The following MXD4 variants were observed in gnomAD, a reference collection of about 807,000 sequenced individuals.
The protein encoded by MXD4 is Mad4 homolog.
Under a neutral mutation model 24.5 loss-of-function variants are expected in MXD4, and 16 were observed. That is an observed-to-expected ratio of 0.65 (90% CI 0.44 to 0.99). The LOEUF is 0.99. Among genes scored for constraint, MXD4 ranks in the 50% least tolerant of loss-of-function variants. The probability of loss-of-function intolerance (pLI) is 0.00; values close to 1 mark genes in which losing one functional copy is unlikely to be tolerated. For missense variants in MXD4, 301 were observed against 301.5 expected, an observed-to-expected ratio of 1.00 and a Z score of 0.01; for synonymous variants, 164 against 134.2, an observed-to-expected ratio of 1.22 and a Z score of -1.54.
intron 3 of MXD4, among the ~76,000 whole-genome samples, chr4:2,256,073 T>C (rs572125879): frequency 6.6e-6 from 1 of 152,070 alleles, no homozygotes; most frequent in African/African-American, 2.4e-5. Context: ...CCTGGGGGAA[T>C]GTGGGGCAGA....
chr4:2,261,813 C>A lies in MXD4; in HGVS notation c.76G>T (p.Gly26Cys). Residue 26 changes from glycine (G) to cysteine (C), a missense_variant, in exon 2 of 6, where the codon GGC becomes TGC. Transcript: ENST00000337190. ...LERRDREAEH[G>C]YASVLPFDGD... is the part of the protein sequence containing the mutation. ...TCGAAGGGCAGCACCGAGGCGTAGC[C>A]GTGCTCGGCCTCTGCGGACACACGG... 7.2e-7 allele frequency: 1 copy of A among 1,386,040 alleles called. No homozygotes were observed. Among genetic ancestry groups the A allele is most frequent in the Non-Finnish European group, 9.4e-7 (1 of 1,062,422 alleles). 85.9% of individuals were successfully genotyped at this position (1,386,040 alleles called of 1,614,324 possible).
rs1473371923 is a variant in MXD4 at position 2,261,712 on chromosome 4, C to CG, written c.164+12dup. 3 of 1,335,766 alleles carry CG rather than the reference C, an allele frequency of 2.2e-6. No homozygotes were observed. In the South Asian group the frequency reaches 4.8e-5, roughly 22 times the overall value. The allele number at this position is 1,335,766 out of a possible 1,614,324, so 82.7% of individuals were successfully genotyped here. On this transcript the variant is annotated intron_variant, in intron 2 of 5. Transcript: ENST00000337190. ...GGACCGGGCCGGGCGGGGTCGGGAG[C>CG]GGGGGGCGGTACCTGTTGTTCGGGG...
chr4:2,255,460 A>C, intron 3 of MXD4: 8 of 451,760 alleles, frequency 1.8e-5, no homozygotes, highest in Non-Finnish European at 3.6e-5. Context: ...TGGAGGCCAC[A>C]GAAATTCCTG....
rs930938626 is a variant in MXD4, at chr4:2,250,600, C to T, written c.574G>A (p.Gly192Ser). 7.4e-6 allele frequency: 12 copies of T among 1,612,042 alleles called. No homozygotes were observed. Among genetic ancestry groups the T allele is most frequent in the Middle Eastern group, 1.8e-4 (1 of 5,634 alleles). The change falls in exon 6 of 6, where the codon GGC becomes AGC. Residue 192 changes from glycine to serine, a missense_variant. Physicochemically the swap from Gly to Ser is moderately conservative, Grantham distance 56. Transcript: ENST00000337190. Reference sequence around the variant, plus strand: ...CAGTGGGGCCCGAAGCCACTGTCGCCGCCGGTGCCACTCTGCAGGCTGTAG... The same window carrying T: ...CAGTGGGGCCCGAAGCCACTGTCGCTGCCGGTGCCACTCTGCAGGCTGTAG... ...DHYSLQSGTGGDSGFGPHCRR... is the reference protein window; with the variant it reads ...DHYSLQSGTGSDSGFGPHCRR...
chr4:2,261,417 G>C (rs986867842), intron 2 of MXD4, among the ~76,000 whole-genome samples: 7 of 152,188 alleles, frequency 4.6e-5, no homozygotes, highest in African/African-American at 1.7e-4. Flanking sequence ...GCCTGGAAAA[G>C]TCCAGAACAA....
rs1735319300 is a variant in MXD4 at position 2,251,337 on chromosome 4, G to A, written c.310-91C>T. On this transcript the variant is annotated intron_variant, in intron 4 of 5. Coordinates refer to ENST00000337190, the MANE Select transcript of MXD4 (RefSeq NM_006454.3). ...ACTGGGGCACCCAGGCCTGGGCCCG[G>A]GAGGTTCCCCATCCCTGCCAAGACC... The A allele has an allele frequency of 1.6e-5, 22 of 1,408,296 alleles. No individual in the cohort carries two copies. In the South Asian group the frequency reaches 3.3e-4, roughly 21 times the overall value. The allele number at this position is 1,408,296 out of a possible 1,614,324, so 87.2% of individuals were successfully genotyped here. A position where few individuals can be genotyped will look rare whatever the true frequency, so the allele number is the denominator to read the frequency against.
intron 2 of MXD4, among the ~76,000 whole-genome samples, chr4:2,259,814 C>T (rs1735502162): frequency 6.6e-6 from 1 of 152,184 alleles, no homozygotes; most frequent in African/African-American, 2.4e-5. Flanking sequence ...CCAGCATTCC[C>T]GTGACCCCAG....
chr4:2,255,295 CTG>C, intron 3 of MXD4: 1 of 456,152 alleles, frequency 2.2e-6, no homozygotes, highest in South Asian at 1.5e-5. Context: ...GATGCGGTCT[CTG>C]GGGTGGGGTG....
chr4:2,261,967 G>A lies in MXD4; in HGVS notation c.14C>T (p.Ser5Phe), dbSNP rs768043132. Reference sequence around the variant, plus strand: ...GGCCGCCTCCAGCAGGATCAGCAGGGAGTTCAGCTCCATCCTCCCGCCCGC... The same window carrying A: ...GGCCGCCTCCAGCAGGATCAGCAGGAAGTTCAGCTCCATCCTCCCGCCCGC... MELNSLLILLEAAEY... is the reference protein window; with the variant it reads MELNFLLILLEAAEY... The change falls in exon 1 of 6, where the codon TCC becomes TTC. Residue 5 changes from serine to phenylalanine, a missense_variant. Coordinates refer to ENST00000337190, the MANE Select transcript of MXD4 (RefSeq NM_006454.3). The A allele has an allele frequency of 1.4e-6, 2 of 1,431,242 alleles. No individual in the cohort carries two copies. The highest frequency in any genetic ancestry group is 1.3e-5 in the South Asian group (1 of 74,822). The allele number at this position is 1,431,242 out of a possible 1,614,324, so 88.7% of individuals were successfully genotyped here.
rs1735263777 is a variant in MXD4 at position 2,249,373 on chromosome 4, T to C, written c.*1171A>G. On this transcript the variant is annotated 3_prime_UTR_variant, in exon 6 of 6. Transcript: ENST00000337190. ...GCTAGGAAAATAGAATACAAAAATC[T>C]GGTACAGGAAACAGAGGCGGCACAC... 1.3e-5 allele frequency: 2 copies of C among 152,156 alleles called. No homozygotes were observed. The highest frequency in any genetic ancestry group is 2.4e-5 in the African/African-American group (1 of 41,364). 9.4% of individuals were successfully genotyped at this position (152,156 alleles called of 1,614,324 possible). A position where few individuals can be genotyped will look rare whatever the true frequency, so the allele number is the denominator to read the frequency against.
intron 2 of MXD4, among the ~76,000 whole-genome samples, chr4:2,261,405 C>T (rs1440272605): frequency 2.6e-5 from 4 of 152,218 alleles, no homozygotes; most frequent in African/African-American, 9.6e-5. Flanking sequence ...AACTTTTCTA[C>T]CGCCTGGAAA....
At chr4:2,252,272 C>CGGGT (rs901549319) in intron 4 of MXD4, 136 bp downstream of exon 4, 55 of 700,962 alleles carry the variant, frequency 7.8e-5, no homozygotes, top group Admixed American at 6.5e-4. Context: ...GACACACACC[C>CGGGT]GCCAGATGGC....
intron 3 of MXD4, chr4:2,255,034 G>T (rs1735397824): frequency 2.9e-6 from 1 of 350,260 alleles, no homozygotes; most frequent in African/African-American, 2.2e-5. Flanking sequence ...CTGTCCGGAA[G>T]TCCCTGTGTA....
Position 2,249,175 on chromosome 4 carries a change from G to A in MXD4, c.*1369C>T, listed in dbSNP as rs1735259647. On this transcript the variant is annotated 3_prime_UTR_variant, in exon 6 of 6. Transcript: ENST00000337190. ...GGGAGGGGCTGCCCACAGGAGATGG[G>A]AGGACAGCACTAGCTGGGCAGGCCT... 6.5e-6 allele frequency: 1 copy of A among 152,724 alleles called. No individual in the cohort carries two copies. The allele number at this position is 152,724 out of a possible 1,614,324, so 9.5% of individuals were successfully genotyped here.
chr4:2,261,668 C>T (rs1207478123), intron 2 of MXD4, 57 bp downstream of exon 2: 3 of 998,434 alleles, frequency 3.0e-6, no homozygotes, highest in African/African-American at 2.5e-5. Context: ...GAGCACGCTC[C>T]GGGCGGGGGC....
rs763993082 is a variant in MXD4, at chr4:2,249,905, G to A, written c.*639C>T. ...GCGTGTGCGTCTGACAGTCCTACCA[G>A]AGCAGACGCTGCCCAGCTCGGCGTG... is the stretch of plus-strand genomic sequence containing the variant. On this transcript the variant is annotated 3_prime_UTR_variant, in exon 6 of 6. Coordinates refer to ENST00000337190, the MANE Select transcript of MXD4 (RefSeq NM_006454.3). The A allele has an allele frequency of 6.5e-6, 1 of 153,794 alleles. No homozygotes were observed. Among genetic ancestry groups the A allele is most frequent in the African/African-American group, 2.4e-5 (1 of 41,482 alleles). 9.5% of individuals were successfully genotyped at this position (153,794 alleles called of 1,614,324 possible).
intron 2 of MXD4, among the ~76,000 whole-genome samples, chr4:2,259,424 C>T (rs887745229): frequency 6.6e-6 from 1 of 152,214 alleles, no homozygotes; most frequent in African/African-American, 2.4e-5. Context: ...TCCTCACTGG[C>T]CTCACAGAGA....
At chr4:2,259,927 C>T (rs1267610580) in intron 2 of MXD4, among the ~76,000 whole-genome samples, 3 of 152,228 alleles carry the variant, frequency 2.0e-5, no homozygotes, top group Admixed American at 6.5e-5. Context: ...CACTCCCTAC[C>T]CTTGCCCCAG....
chr4:2,249,972 T>C lies in MXD4; in HGVS notation c.*572A>G, dbSNP rs1735281376. On this transcript the variant is annotated 3_prime_UTR_variant, in exon 6 of 6. Coordinates refer to ENST00000337190, the MANE Select transcript of MXD4 (RefSeq NM_006454.3). ...CTGGCCCCGAGAGCCCAGCCCTAGG[T>C]TCTGACACCTGCGAAGTGGGAAGGA... is the stretch of plus-strand genomic sequence containing the variant. 1 of 154,064 alleles carries C rather than the reference T, an allele frequency of 6.5e-6. No homozygotes were observed. The highest frequency in any genetic ancestry group is 1.4e-5 in the Non-Finnish European group (1 of 69,144). 9.5% of individuals were successfully genotyped at this position (154,064 alleles called of 1,614,324 possible).
Sources: gnomAD v4.1 joint callset for allele counts (sites outside exome capture counted in the v4.1 genomes callset) on GRCh38, gnomAD v4.1.1 for gene constraint, MANE v1.5 for transcripts, NCBI Gene and HGNC (gene_info 2026-07-23, HGNC 2026-07-21) for gene names.